Variants in NEBL observed in about 807,000 individuals in gnomAD.
NEBL encodes nebulette.
Under a neutral mutation model 140.2 loss-of-function variants are expected in NEBL, and 122 were observed. The ratio of observed to expected loss-of-function variants is 0.87; its 90% CI spans 0.75 to 1.01. The LOEUF is 1.01. NEBL is among the 50% of genes least tolerant of loss of function. NEBL has a pLI of 0.00. For synonymous variants in NEBL, 436 were observed against 398.9 expected (o/e 1.09, Z -1.11); for missense variants, 1,365 against 1,231.3 (o/e 1.11, Z -1.62).
chr10:21,199,308 C>T (rs2132225139), intron 3 of NEBL, among the ~76,000 whole-genome samples: 1 of 152,200 alleles, frequency 6.6e-6, no homozygotes, highest in South Asian at 2.1e-4. Context: ...GCTGGGATTA[C>T]AAGAGTGAGC....
At chr10:21,078,926 A>C (rs1385851450) in intron 2 of NEBL, among the ~76,000 whole-genome samples, 2 of 152,218 alleles carry the variant, frequency 1.3e-5, no homozygotes, top group Non-Finnish European at 2.9e-5. Context: ...CCACTGATCC[A>C]ACCTTAATAA....
intron 2 of NEBL, among the ~76,000 whole-genome samples, chr10:21,083,104 C>T (rs1422178245): frequency 6.6e-6 from 1 of 152,104 alleles, no homozygotes; most frequent in East Asian, 1.9e-4. Flanking sequence ...TAAGCAGGAG[C>T]GCAGTGCTGA....
At chr10:21,107,034 T>C (rs1028598260) in intron 2 of NEBL, among the ~76,000 whole-genome samples, 1 of 152,226 alleles carries the variant, frequency 6.6e-6, no homozygotes, top group Non-Finnish European at 1.5e-5. Flanking sequence ...ATTGATTTTG[T>C]ATCCTGAGAC....
chr10:21,066,328 T>C (rs1835539859), intron 2 of NEBL, among the ~76,000 whole-genome samples: 1 of 152,246 alleles, frequency 6.6e-6, no homozygotes. Context: ...ATGAATACGG[T>C]AATCACCACC....
At chr10:21,123,833 A>G (rs1312629893) in intron 2 of NEBL, among the ~76,000 whole-genome samples, 1 of 151,064 alleles carries the variant, frequency 6.6e-6, no homozygotes, top group East Asian at 1.9e-4. Context: ...GTATATGTAT[A>G]TGTATATCTC....
chr10:20,940,357 G>T (rs971759319), intron 4 of NEBL, among the ~76,000 whole-genome samples: 1 of 148,294 alleles, frequency 6.7e-6, no homozygotes. Flanking sequence ...ACGAAATGAA[G>T]GCAGAAATAA....
chr10:20,814,464 G>C (rs1838503343), intron 22 of NEBL, among the ~76,000 whole-genome samples: 2 of 151,470 alleles, frequency 1.3e-5, no homozygotes, highest in Admixed American at 6.6e-5. Context: ...AAAAAAATTA[G>C]TTGGGCGTGT....
rs537965849 is a variant in NEBL at position 21,089,348 on chromosome 10, C to T, written c.165-69147G>A. ...GCTGAACTCCAAATATGAACATGAG[C>T]ATCATCAGCTTAGAGCTAGCCATGG... On this transcript the variant is annotated intron_variant, in intron 2 of 6. Coordinates refer to the NEBL transcript ENST00000417816. 2.4e-4 allele frequency among the ~76,000 whole-genome samples: 37 copies of T among 152,228 alleles called. 1 individual carries two copies. The South Asian group carries it at 7.7e-3, about 32-fold the overall frequency.
At chr10:21,224,236 A>G (rs886700928) in intron 3 of NEBL, among the ~76,000 whole-genome samples, 1 of 152,202 alleles carries the variant, frequency 6.6e-6, no homozygotes, top group Non-Finnish European at 1.5e-5. Flanking sequence ...ACATATGGAC[A>G]TCTAGTTTTC....
chr10:21,227,110 G>T (rs1334486237), intron 3 of NEBL, among the ~76,000 whole-genome samples: 6 of 151,912 alleles, frequency 3.9e-5, no homozygotes, highest in Admixed American at 2.6e-4. Flanking sequence ...GTTCAGTGAT[G>T]GCTAGATTTA....
chr10:21,233,811 T>C (rs1227203116), intron 3 of NEBL, among the ~76,000 whole-genome samples: 1 of 141,552 alleles, frequency 7.1e-6, no homozygotes, highest in Non-Finnish European at 1.5e-5. Context: ...TATATAGATA[T>C]ATATTACATA....
chr10:21,031,903 C>CT (rs1833814752), intron 2 of NEBL, among the ~76,000 whole-genome samples: 1 of 152,170 alleles, frequency 6.6e-6, no homozygotes, highest in Admixed American at 6.5e-5. Flanking sequence ...AAGATTCTGT[C>CT]TGTTAGTTTC....
intron 2 of NEBL, among the ~76,000 whole-genome samples, chr10:21,056,166 T>C (rs928591065): frequency 5.3e-5 from 8 of 152,202 alleles, no homozygotes; most frequent in Non-Finnish European, 1.2e-4. Context: ...TAGAGAATAT[T>C]TTGCCATCAT....
chr10:21,249,383 G>A (rs1158027105), intron 2 of NEBL, among the ~76,000 whole-genome samples: 1 of 151,980 alleles, frequency 6.6e-6, no homozygotes, highest in Non-Finnish European at 1.5e-5. Context: ...TCTAATTTTG[G>A]TGAAATTCAA....
chr10:21,076,444 C>CAAAAAAA (rs56013237), intron 2 of NEBL, among the ~76,000 whole-genome samples: 21 of 50,066 alleles, frequency 4.2e-4, no homozygotes, highest in Admixed American at 8.5e-4. Context: ...GACTCAGTTT[C>CAAAAAAA]AAAAAAAAAA....
intron 3 of NEBL, among the ~76,000 whole-genome samples, chr10:21,181,725 C>T (rs1841391124): frequency 6.6e-6 from 1 of 152,360 alleles, no homozygotes; most frequent in South Asian, 2.1e-4. Context: ...ACAGAGCGTA[C>T]TTTCCCACAA....
chr10:20,797,782 A>G (rs1177561885), intron 26 of NEBL, among the ~76,000 whole-genome samples: 1 of 152,148 alleles, frequency 6.6e-6, no homozygotes, highest in East Asian at 1.9e-4. Flanking sequence ...TGGGTCAGGT[A>G]TGGCACAAGA....
intron 1 of NEBL, among the ~76,000 whole-genome samples, chr10:21,266,592 C>A (rs1255637935): frequency 6.6e-6 from 1 of 152,260 alleles, no homozygotes; most frequent in Non-Finnish European, 1.5e-5. Context: ...AGGGTCGAAT[C>A]TTAAGAGGAT....
Position 20,808,531 on chromosome 10 carries a change from T to C in NEBL, c.2740A>G (p.Thr914Ala), listed in dbSNP as rs1369499702. The C allele has an allele frequency of 6.2e-7, 1 of 1,614,004 alleles. No homozygotes were observed. The highest frequency in any genetic ancestry group is 1.1e-5 in the South Asian group (1 of 91,088). ...YPSFSCCSEV[T>A]RPSDEGAPVL... is the part of the protein sequence containing the mutation. ...ATACCTCCTTCATCAGACGGTCTTG[T>C]TACCTCACTGCAGCATGAAAAGCTA... Residue 914 changes from threonine (T) to alanine (A), a missense_variant, in exon 26 of 28, where the codon ACA becomes GCA. This residue lies in a region of NEBL where 1,323 missense variants were observed against 1,154.8 expected (regional missense o/e 1.15). Transcript: ENST00000377122.
Sources: gnomAD v4.1 joint callset for allele counts (sites outside exome capture counted in the v4.1 genomes callset) on GRCh38, gnomAD v4.1.1 for gene constraint, gnomAD v4.1.1 regional missense constraint, MANE v1.5 for transcripts, NCBI Gene and HGNC (gene_info 2026-07-23, HGNC 2026-07-21) for gene names.